The following TMEM132B variants were observed in gnomAD, a reference collection of about 807,000 sequenced individuals.
The protein encoded by TMEM132B is transmembrane protein 132B.
A neutral mutation model predicts 90.8 loss-of-function variants in TMEM132B; 18 were observed. That is an observed-to-expected ratio of 0.20 (90% CI 0.14 to 0.29). The LOEUF is 0.29. Ranked by LOEUF, TMEM132B falls within the 10% of genes least tolerant of loss-of-function variation. The pLI is 1.00. For missense variants in TMEM132B, 1,096 were observed against 1,326.8 expected (o/e 0.83, Z 2.70); for synonymous variants, 504 against 523.3 (o/e 0.96, Z 0.50).
intron 1 of TMEM132B, among the ~76,000 whole-genome samples, chr12:125,188,838 G>A (rs1371093516): frequency 4.3e-5 from 5 of 114,998 alleles, no homozygotes; most frequent in Admixed American, 3.4e-4. Context: ...TTTAGCACTA[G>A]TTAGGAGGGA....
rs181520018 is a variant in TMEM132B at position 125,254,443 on chromosome 12, A to G, written c.67+67577A>G. On this transcript the variant is annotated intron_variant, in intron 1 of 8. Transcript: ENST00000682704. ...GCCCCCTTAGACTGCAGACTTCAGG[A>G]AGCAGCAGCAGATGTTTCCTTGAGG... Among the ~76,000 whole-genome samples, 399 of 152,244 alleles carry G rather than the reference A, an allele frequency of 2.6e-3. 3 individuals carry two copies. The highest frequency in any genetic ancestry group is 9.2e-3 in the African/African-American group (381 of 41,542).
At chr12:125,402,087 A>G (rs1427137307) in intron 2 of TMEM132B, among the ~76,000 whole-genome samples, 2 of 152,230 alleles carry the variant, frequency 1.3e-5, no homozygotes, top group Non-Finnish European at 2.9e-5. Flanking sequence ...AGTTTCCCCA[A>G]GAGCTTCACG....
intron 1 of TMEM132B, among the ~76,000 whole-genome samples, chr12:125,307,657 T>C (rs1876007232): frequency 7.0e-6 from 1 of 143,782 alleles, no homozygotes; most frequent in East Asian, 2.1e-4. Flanking sequence ...CCCACGTCTC[T>C]CTCTACTTTC....
rs1373968445 is a variant in TMEM132B at position 125,662,236 on chromosome 12, T to C, written c.*7526T>C. 1 of 152,240 alleles carries C rather than the reference T, an allele frequency of 6.6e-6. No individual in the cohort carries two copies. The highest frequency in any genetic ancestry group is 1.5e-5 in the Non-Finnish European group (1 of 68,040). The allele number at this position is 152,240 out of a possible 1,614,324, so 9.4% of individuals were successfully genotyped here. A position where few individuals can be genotyped will look rare whatever the true frequency, so the allele number is the denominator to read the frequency against. On this transcript the variant is annotated 3_prime_UTR_variant, in exon 9 of 9. Transcript: ENST00000682704. ...CATTGTGCTTCTATATACCTTTTTGTATAATGTATCTATCTCATTATATTA... is the reference window on the plus strand; with the variant it reads ...CATTGTGCTTCTATATACCTTTTTGCATAATGTATCTATCTCATTATATTA...
intron 1 of TMEM132B, among the ~76,000 whole-genome samples, chr12:125,304,025 A>G (rs1319291604): frequency 1.3e-5 from 2 of 152,234 alleles, no homozygotes; most frequent in Non-Finnish European, 2.9e-5. Flanking sequence ...ATTTTTCCAT[A>G]GACAGTGATG....
intron 2 of TMEM132B, among the ~76,000 whole-genome samples, chr12:125,384,249 CTCTG>C (rs1447722873): frequency 1.3e-5 from 2 of 152,256 alleles, no homozygotes; most frequent in Admixed American, 6.5e-5. Flanking sequence ...GGCTGAAACT[CTCTG>C]TATTTCTTTT....
rs553744290 is a variant in TMEM132B at position 125,618,580 on chromosome 12, T to A, written c.1438-25496T>A. ...GTGCCACTTGCTCTTCTTTCTGAGA[T>A]TTCAGAGATTTTCTTAAATCGATGC... On this transcript the variant is annotated intron_variant, in intron 5 of 8. Transcript: ENST00000682704. Among the ~76,000 whole-genome samples the A allele has an allele frequency of 2.5e-3, 379 of 152,354 alleles. 1 individual carries two copies. Among genetic ancestry groups the A allele is most frequent in the Non-Finnish European group, 4.4e-3 (296 of 68,028 alleles).
intron 4 of TMEM132B, among the ~76,000 whole-genome samples, chr12:125,540,264 C>A (rs1291709965): frequency 1.3e-5 from 2 of 152,106 alleles, no homozygotes; most frequent in Non-Finnish European, 2.9e-5. Flanking sequence ...GCTCTGTGCA[C>A]ACTGAGAAAT....
At chr12:125,650,543 G>T in intron 6 of TMEM132B, 140 bp from the exon 7 acceptor site, 1 of 930,172 alleles carries the variant, frequency 1.1e-6, no homozygotes, top group South Asian at 1.7e-5. Flanking sequence ...AACTGGGAGT[G>T]GATAGATGGC....
chr12:125,470,830 A>T (rs778252227), intron 3 of TMEM132B, among the ~76,000 whole-genome samples: 1 of 152,128 alleles, frequency 6.6e-6, no homozygotes, highest in Non-Finnish European at 1.5e-5. Flanking sequence ...CTAAGTGAAC[A>T]TTCTTCTCTG....
chr12:125,593,686 A>G (rs2189794), intron 5 of TMEM132B, among the ~76,000 whole-genome samples: 112,905 of 152,124 alleles, frequency 0.74, 42,073 homozygotes, highest in Middle Eastern at 0.85. Context: ...TACTTGGTTC[A>G]CAATTTAGAC....
At position 125,251,241 on chromosome 12, in the gene TMEM132B, A is replaced by AT. The variant is rs1299587930; in HGVS notation, c.67+64380dup. Among the ~76,000 whole-genome samples the AT allele has an allele frequency of 1.3e-5, 2 of 152,218 alleles. No homozygotes were observed. The highest frequency in any genetic ancestry group is 2.4e-5 in the African/African-American group (1 of 41,462). ...TGCATTTAGCTCAGAAAGTGAGATGATTTTTGAAAATATCAAAAACTATCA... is the reference window on the plus strand; with the variant it reads ...TGCATTTAGCTCAGAAAGTGAGATGATTTTTTGAAAATATCAAAAACTATCA... On this transcript the variant is annotated intron_variant, in intron 1 of 8. Coordinates refer to ENST00000682704, the MANE Select transcript of TMEM132B (RefSeq NM_001366854.1). This position sits in a 1 kb window ranked among gnomAD's most constrained non-coding sequence, Gnocchi z 4.4.
chr12:125,520,327 G>A (rs1230481768), intron 4 of TMEM132B, among the ~76,000 whole-genome samples: 1 of 152,178 alleles, frequency 6.6e-6, no homozygotes, highest in Non-Finnish European at 1.5e-5. Flanking sequence ...CACTGGAAAT[G>A]TTCAACCATT....
At chr12:125,227,833 C>T (rs1873717091) in intron 1 of TMEM132B, among the ~76,000 whole-genome samples, 1 of 152,158 alleles carries the variant, frequency 6.6e-6, no homozygotes, top group Admixed American at 6.5e-5. Flanking sequence ...GAATGACCTC[C>T]AGGAGACCAG....
At chr12:125,578,725 G>T (rs1350875092) in intron 4 of TMEM132B, among the ~76,000 whole-genome samples, 1 of 152,068 alleles carries the variant, frequency 6.6e-6, no homozygotes, top group Non-Finnish European at 1.5e-5. Flanking sequence ...TAAAATTCTT[G>T]GTTGACAGTC....
chr12:125,401,705 A>G (rs1304823000), intron 2 of TMEM132B, among the ~76,000 whole-genome samples: 1 of 152,218 alleles, frequency 6.6e-6, no homozygotes, highest in Non-Finnish European at 1.5e-5. Context: ...TGAGCATTGC[A>G]ATTCAAAGCT....
chr12:125,589,565 A>G (rs1208482147), intron 5 of TMEM132B, among the ~76,000 whole-genome samples: 2 of 151,796 alleles, frequency 1.3e-5, no homozygotes, highest in African/African-American at 4.8e-5. Context: ...TCATGGTTTC[A>G]CAAGCTATAC....
chr12:125,193,784 CAA>C (rs1274042896), intron 1 of TMEM132B, among the ~76,000 whole-genome samples: 1 of 152,184 alleles, frequency 6.6e-6, no homozygotes, highest in Non-Finnish European at 1.5e-5. Context: ...CAGCAGGGAA[CAA>C]AAGAGACAAA....
intron 3 of TMEM132B, among the ~76,000 whole-genome samples, chr12:125,421,867 G>A (rs1489285703): frequency 6.6e-6 from 1 of 152,208 alleles, no homozygotes; most frequent in Non-Finnish European, 1.5e-5. Flanking sequence ...TCATTGTGCT[G>A]AAGGATTCTT....
Sources: gnomAD v4.1 joint callset for allele counts (sites outside exome capture counted in the v4.1 genomes callset) on GRCh38, gnomAD v4.1.1 for gene constraint, Gnocchi (gnomAD v3.1) non-coding constraint, MANE v1.5 for transcripts, NCBI Gene and HGNC (gene_info 2026-07-23, HGNC 2026-07-21) for gene names.